WDPCP: variants seen among roughly 807,000 people sequenced by gnomAD.
The protein encoded by WDPCP is WD repeat-containing and planar cell polarity effector protein fritz homolog.
Under a neutral mutation model 93.1 loss-of-function variants are expected in WDPCP, and 71 were observed. That is an observed-to-expected ratio of 0.76 (90% CI 0.63 to 0.93). The LOEUF (loss-of-function observed/expected upper bound fraction) is 0.93, where lower values mean the gene tolerates loss of function less well. WDPCP is among the 40% of genes least tolerant of loss of function. WDPCP has a pLI of 0.00. For synonymous variants in WDPCP, 315 were observed against 315.0 expected (o/e 1.00, Z 0.00); for missense variants, 844 against 887.4 (o/e 0.95, Z 0.62).
At chr2:63,262,324 A>G (rs1243113119) in intron 13 of WDPCP, among the ~76,000 whole-genome samples, 2 of 152,128 alleles carry the variant, frequency 1.3e-5, no homozygotes, top group African/African-American at 4.8e-5. Flanking sequence ...AAATACAGAC[A>G]TACACATGTT....
At chr2:63,162,628 A>G (rs926859993) in intron 15 of WDPCP, among the ~76,000 whole-genome samples, 8 of 152,174 alleles carry the variant, frequency 5.3e-5, no homozygotes, top group African/African-American at 1.2e-4. Context: ...TAAATATTTC[A>G]TGTTATAAGG....
chr2:63,419,375 C>T (rs942611343), intron 9 of WDPCP, among the ~76,000 whole-genome samples: 58 of 152,268 alleles, frequency 3.8e-4, no homozygotes, highest in African/African-American at 1.3e-3. Context: ...CTCCTGACCT[C>T]ATGATCCACT....
chr2:63,236,914 C>T (rs1351529325), intron 14 of WDPCP, among the ~76,000 whole-genome samples: 2 of 151,878 alleles, frequency 1.3e-5, no homozygotes, highest in Non-Finnish European at 2.9e-5. Flanking sequence ...GAAATTGACA[C>T]AGCCAAAGAA....
chr2:63,512,799 G>A (rs1036692475), intron 1 of WDPCP, among the ~76,000 whole-genome samples: 3 of 151,892 alleles, frequency 2.0e-5, no homozygotes, highest in African/African-American at 4.8e-5. Context: ...GTAGATGATG[G>A]GTTGATGGGT....
Position 63,792,649 on chromosome 2 carries a change from C to T in WDPCP, n.308+20973G>A, listed in dbSNP as rs535534946. Among the ~76,000 whole-genome samples, 11 of 152,222 alleles carry T rather than the reference C, an allele frequency of 7.2e-5. No homozygotes were observed. In the East Asian group the frequency reaches 7.7e-4, roughly 11 times the overall value. On this transcript the variant is annotated intron_variant and non_coding_transcript_variant, in intron 2 of 4. Coordinates refer to the WDPCP transcript ENST00000467687. ...CCTGGCAGAGCATGAAAGAGCTTGA[C>T]GCATTTGAGAAATTGCAAGTAGTCT...
At chr2:63,359,043 C>T (rs1424592016) in intron 12 of WDPCP, among the ~76,000 whole-genome samples, 1 of 152,082 alleles carries the variant, frequency 6.6e-6, no homozygotes, top group Admixed American at 6.6e-5. Context: ...ATCTCTTCTC[C>T]CTGTCCTTGC....
intron 2 of WDPCP, among the ~76,000 whole-genome samples, chr2:63,661,154 T>G (rs1710221597): frequency 1.3e-5 from 2 of 152,348 alleles, no homozygotes; most frequent in South Asian, 4.1e-4. Context: ...ATGGGTTCTG[T>G]GAGTACAGCT....
At chr2:63,289,671 C>T (rs1684256030) in intron 13 of WDPCP, among the ~76,000 whole-genome samples, 1 of 151,968 alleles carries the variant, frequency 6.6e-6, no homozygotes, top group South Asian at 2.1e-4. Flanking sequence ...CAAAAAATGT[C>T]AGATCAAGTT....
At chr2:63,648,101 A>G (rs1159880989) in intron 3 of WDPCP, among the ~76,000 whole-genome samples, 3 of 152,206 alleles carry the variant, frequency 2.0e-5, no homozygotes, top group Non-Finnish European at 4.4e-5. Flanking sequence ...CCGTCTGCCT[A>G]TAGGAGAGTA....
chr2:63,274,467 A>C (rs1014236809), intron 13 of WDPCP, among the ~76,000 whole-genome samples: 11 of 152,114 alleles, frequency 7.2e-5, no homozygotes, highest in Admixed American at 1.3e-4. Flanking sequence ...GAAAAAGAGA[A>C]ATAATAAAGA....
chr2:63,569,859 T>C (rs1032983801), intron 1 of WDPCP, among the ~76,000 whole-genome samples: 2 of 152,188 alleles, frequency 1.3e-5, no homozygotes, highest in Non-Finnish European at 2.9e-5. Flanking sequence ...ATATATAGCA[T>C]TGAAAGTACC....
chr2:63,496,215 C>T (rs1701213048), intron 1 of WDPCP, among the ~76,000 whole-genome samples: 1 of 151,986 alleles, frequency 6.6e-6, no homozygotes, highest in African/African-American at 2.4e-5. Flanking sequence ...ATAGATGAAA[C>T]CAAAAGACTG....
intron 14 of WDPCP, among the ~76,000 whole-genome samples, chr2:63,204,510 T>C (rs1676178406): frequency 1.3e-5 from 2 of 151,594 alleles, no homozygotes; most frequent in South Asian, 4.2e-4. Context: ...CCCGGATAAT[T>C]TTTGTATTTT....
At chr2:63,788,413 G>GAGA (rs1670499863) in intron 2 of WDPCP, among the ~76,000 whole-genome samples, 1 of 152,136 alleles carries the variant, frequency 6.6e-6, no homozygotes, top group Admixed American at 6.6e-5. Flanking sequence ...TTATACTTGA[G>GAGA]AGAAACATAT....
chr2:63,203,598 C>T (rs1404537373), intron 14 of WDPCP, among the ~76,000 whole-genome samples: 1 of 152,040 alleles, frequency 6.6e-6, no homozygotes, highest in Non-Finnish European at 1.5e-5. Flanking sequence ...AGGTCTTATT[C>T]ATTCTATTTT....
rs17474840 is a variant in WDPCP at position 63,258,224 on chromosome 2, A to G, written c.1915+1083T>C. Among the ~76,000 whole-genome samples the G allele has an allele frequency of 4.3e-3, 658 of 152,332 alleles. 2 individuals carry two copies. The highest frequency in any genetic ancestry group is 0.01 in the Middle Eastern group (3 of 294). ...GGTCAATTACAGTTATTCTTATCCA[A>G]TACTGCATTAATAGTGAGTATTCCC... On this transcript the variant is annotated intron_variant, in intron 14 of 17. Coordinates refer to ENST00000272321, the MANE Select transcript of WDPCP (RefSeq NM_015910.7).
chr2:63,294,116 G>A (rs1050037555), intron 13 of WDPCP, among the ~76,000 whole-genome samples: 1 of 152,200 alleles, frequency 6.6e-6, no homozygotes, highest in East Asian at 1.9e-4. Context: ...CAGAAAGAGA[G>A]AAGTGATTTT....
chr2:63,697,703 A>G (rs1407906807), intron 2 of WDPCP, among the ~76,000 whole-genome samples: 1 of 152,182 alleles, frequency 6.6e-6, no homozygotes, highest in Non-Finnish European at 1.5e-5. Context: ...GCTGGAGTGC[A>G]GTGGCGTGAT....
At chr2:63,481,439 C>T (rs1180599781) in intron 6 of WDPCP, among the ~76,000 whole-genome samples, 1 of 151,992 alleles carries the variant, frequency 6.6e-6, no homozygotes, top group Non-Finnish European at 1.5e-5. Context: ...GATACTTGCC[C>T]ATGCATGTTT....
Sources: gnomAD v4.1 joint callset for allele counts (sites outside exome capture counted in the v4.1 genomes callset) on GRCh38, gnomAD v4.1.1 for gene constraint, MANE v1.5 for transcripts, NCBI Gene and HGNC (gene_info 2026-07-23, HGNC 2026-07-21) for gene names.